REL: variants seen among roughly 807,000 people sequenced by gnomAD.
The protein encoded by REL is REL proto-oncogene, NF-kB subunit, also known as proto-oncogene c-Rel.
REL carries 15 observed loss-of-function variants against 45.9 expected under a neutral mutation model. The observed-to-expected ratio is 0.33, with a 90% CI of 0.22 to 0.50. The LOEUF (loss-of-function observed/expected upper bound fraction) is 0.50. REL is among the 20% of genes least tolerant of loss of function. REL has a pLI of 0.98. For missense variants in REL, 601 were observed against 715.2 expected (o/e 0.84, Z 1.82); for synonymous variants, 239 against 242.1 (o/e 0.99, Z 0.12).
Position 60,929,526 on chromosome 2 carries a change from A to G in REL, c.*6991A>G, listed in dbSNP as rs536922441. 2.6e-5 allele frequency: 4 copies of G among 151,884 alleles called. No individual in the cohort carries two copies. The highest frequency in any genetic ancestry group is 7.3e-5 in the African/African-American group (3 of 41,372). 9.4% of individuals were successfully genotyped at this position (151,884 alleles called of 1,614,324 possible). ...ATGAATTCATGTCCTTTGTAGGGACATGGATGAAATTGGAAAACATCATTC... is the reference window on the plus strand; with the variant it reads ...ATGAATTCATGTCCTTTGTAGGGACGTGGATGAAATTGGAAAACATCATTC... On this transcript the variant is annotated 3_prime_UTR_variant, in exon 10 of 10. Coordinates refer to ENST00000394479, the MANE Select transcript of REL (RefSeq NM_001291746.2).
At chr2:60,919,267 C>G (rs1482533058) in intron 7 of REL, among the ~76,000 whole-genome samples, 1 of 152,046 alleles carries the variant, frequency 6.6e-6, no homozygotes, top group African/African-American at 2.4e-5. Context: ...CAGGGTCTCA[C>G]TCTGTCACTC....
At chr2:60,897,420 G>A (rs2103939358) in intron 3 of REL, among the ~76,000 whole-genome samples, 1 of 151,116 alleles carries the variant, frequency 6.6e-6, no homozygotes, top group South Asian at 2.1e-4. Flanking sequence ...CAATTTTTGT[G>A]CCTTGGCCTC....
rs1299123332 is a variant in REL, at chr2:60,922,454, A to G, written c.1683A>G (p.Gln561=). Residue 561 remains glutamine (Q), a synonymous_variant, in exon 10 of 10, where the codon CAA becomes CAG. Transcript: ENST00000394479. ...STNPNSHGFV[Q]DSQYSGIGSM... ...ATCCAAACAGTCATGGTTTTGTTCAAGATAGTCAGTATTCAGGTATTGGCA... is the reference window on the plus strand; with the variant it reads ...ATCCAAACAGTCATGGTTTTGTTCAGGATAGTCAGTATTCAGGTATTGGCA... 6.8e-6 allele frequency: 11 copies of G among 1,614,048 alleles called. No individual in the cohort carries two copies. Among genetic ancestry groups the G allele is most frequent in the East Asian group, 4.5e-5 (2 of 44,886 alleles).
At chr2:60,896,986 A>T (rs981078623) in intron 3 of REL, among the ~76,000 whole-genome samples, 4 of 152,228 alleles carry the variant, frequency 2.6e-5, no homozygotes, top group African/African-American at 7.2e-5. Flanking sequence ...TATAGAAGTG[A>T]TGCAGTATAA....
At chr2:60,898,052 T>TA (rs1041728068) in intron 3 of REL, among the ~76,000 whole-genome samples, 17 of 152,296 alleles carry the variant, frequency 1.1e-4, no homozygotes, top group African/African-American at 4.1e-4. Context: ...TACTAACAGT[T>TA]ACCTTCTCAA....
At chr2:60,908,969 T>TA (rs1360749341) in intron 4 of REL, among the ~76,000 whole-genome samples, 4 of 152,194 alleles carry the variant, frequency 2.6e-5, no homozygotes, top group Admixed American at 1.3e-4. Context: ...ACTGAAAACT[T>TA]AAAGTTTGAA....
intron 4 of REL, among the ~76,000 whole-genome samples, chr2:60,902,877 C>G (rs1673535417): frequency 1.3e-5 from 2 of 152,202 alleles, no homozygotes; most frequent in Admixed American, 6.5e-5. Context: ...GCATGAGCCA[C>G]TGCACCCGGT....
rs367780559 is a variant in REL, at chr2:60,891,701, T to C, written c.29T>C (p.Ile10Thr). The C allele has an allele frequency of 7.4e-5, 120 of 1,613,688 alleles. No homozygotes were observed. The highest frequency in any genetic ancestry group is 9.6e-5 in the Non-Finnish European group (113 of 1,179,834). Residue 10 changes from isoleucine (I) to threonine (T), a missense_variant, in exon 2 of 10, where the codon ATA (isoleucine) becomes ACA (threonine). Transcript: ENST00000394479. The stretch of plus-strand genomic sequence containing the variant: ...TTTTCAGGTGCGTATAACCCGTATA[T>C]AGAGATAATTGAACAACCCAGGCAG... MASGAYNPY[I>T]EIIEQPRQRG...
chr2:60,900,304 A>G (rs1052580652), intron 3 of REL: 2 of 152,344 alleles, frequency 1.3e-5, no homozygotes, highest in African/African-American at 4.8e-5. Context: ...CAACCTGTGA[A>G]CATCTCTTTA....
intron 1 of REL, among the ~76,000 whole-genome samples, chr2:60,889,755 A>T (rs938844674): frequency 6.6e-6 from 1 of 152,052 alleles, no homozygotes; most frequent in Admixed American, 6.6e-5. Context: ...AGCTTCATCT[A>T]TGTCCCTACA....
chr2:60,920,628 G>T lies in REL; in HGVS notation c.977G>T (p.Arg326Ile). 6.3e-7 allele frequency: 1 copy of T among 1,596,362 alleles called. No individual in the cohort carries two copies. Among genetic ancestry groups the T allele is most frequent in the Non-Finnish European group, 8.6e-7 (1 of 1,166,510 alleles). The stretch of plus-strand genomic sequence containing the variant: ...CTCCTCGGTTCAATTGGAGAAGGAA[G>T]ATACTTCAAAAAAGGTATTTTATTT... ...PGLLGSIGEG[R>I]YFKKEPNLFS... Residue 326 changes from arginine to isoleucine, a missense_variant, in exon 9 of 10, where the codon AGA becomes ATA. By Grantham distance (97) the Arg-to-Ile change is moderately conservative (BLOSUM62 -3). Around this residue, in one of 4 missense-constraint regions of REL, gnomAD observed 334 missense variants for 333.1 expected, o/e 1.00. Coordinates refer to ENST00000394479, the MANE Select transcript of REL (RefSeq NM_001291746.2).
At chr2:60,907,034 C>T (rs1362221374) in intron 4 of REL, among the ~76,000 whole-genome samples, 3 of 151,332 alleles carry the variant, frequency 2.0e-5, no homozygotes, top group African/African-American at 7.3e-5. Context: ...ATTCTCCTGC[C>T]TCAGCCTTCT....
At chr2:60,892,551 A>G (rs971101245) in intron 2 of REL, among the ~76,000 whole-genome samples, 3 of 146,436 alleles carry the variant, frequency 2.0e-5, no homozygotes, top group African/African-American at 7.6e-5. Context: ...GCCTCAGCCT[A>G]CCGAGTAGCT....
rs1332781662 is a variant in REL, at chr2:60,918,699, A to G, written c.853+93A>G. The G allele has an allele frequency of 6.0e-6, 5 of 838,870 alleles. No individual in the cohort carries two copies. The Admixed American group carries it at 1.2e-4, about 20-fold the overall frequency. 52.0% of individuals were successfully genotyped at this position (838,870 alleles called of 1,614,324 possible). ...AATATTCATTTGAGTACAGTTATGT[A>G]TATTCATAATTTATGTTTCTTTTCC... On this transcript the variant is annotated intron_variant, in intron 7 of 9. Transcript: ENST00000394479.
intron 3 of REL, chr2:60,900,190 T>C (rs978654893): frequency 1.3e-5 from 2 of 152,230 alleles, no homozygotes; most frequent in African/African-American, 4.8e-5. Context: ...GAAATCCAGA[T>C]GTTCATATGC....
intron 3 of REL, chr2:60,899,439 G>C (rs1673439123): frequency 1.3e-5 from 2 of 152,192 alleles, no homozygotes; most frequent in Non-Finnish European, 2.9e-5. Flanking sequence ...AGCCGGTATG[G>C]TGCCACTGCA....
chr2:60,926,393 A>G lies in REL; in HGVS notation c.*3858A>G, dbSNP rs1449134360. The G allele has an allele frequency of 8.6e-6, 2 of 232,106 alleles. No individual in the cohort carries two copies. The highest frequency in any genetic ancestry group is 6.0e-5 in the East Asian group (1 of 16,634). 14.4% of individuals were successfully genotyped at this position (232,106 alleles called of 1,614,324 possible). A position where few individuals can be genotyped will look rare whatever the true frequency, so the allele number is the denominator to read the frequency against. On this transcript the variant is annotated 3_prime_UTR_variant, in exon 10 of 10. Coordinates refer to ENST00000394479, the MANE Select transcript of REL (RefSeq NM_001291746.2). ...CAATTTTCTTAGGATATTCTGGGAA[A>G]GATGAGCGGAGACTGCCCGCCTTGT... is the stretch of plus-strand genomic sequence containing the variant.
chr2:60,882,782 G>A (rs1005783295), intron 1 of REL, among the ~76,000 whole-genome samples: 1 of 152,180 alleles, frequency 6.6e-6, no homozygotes, highest in African/African-American at 2.4e-5. Flanking sequence ...GGAAATAAGG[G>A]GAAAGAGGAG....
rs755936187 is a variant in REL, at chr2:60,901,148, C to CCCTTTTTTTTTTTTTTTTTTTT, written c.394+65_394+66insCCTTTTTTTTTTTTTTTTTTTT. ...GTTGATTTCTGTTTCTTTTTTCTTT[C>CCCTTTTTTTTTTTTTTTTTTTT]TCTTTTTTTTTTTTTTTTTTTTTTT... On this transcript the variant is annotated intron_variant, in intron 4 of 9. Coordinates refer to ENST00000394479, the MANE Select transcript of REL (RefSeq NM_001291746.2). 8.4e-6 allele frequency: 7 copies of CCCTTTTTTTTTTTTTTTTTTTT among 832,874 alleles called. 3 individuals carry two copies. The highest frequency in any genetic ancestry group is 2.4e-5 in the African/African-American group (1 of 41,388). 51.6% of individuals were successfully genotyped at this position (832,874 alleles called of 1,614,324 possible).
Sources: gnomAD v4.1 joint callset for allele counts (sites outside exome capture counted in the v4.1 genomes callset) on GRCh38, gnomAD v4.1.1 for gene constraint, gnomAD v4.1.1 regional missense constraint, MANE v1.5 for transcripts, NCBI Gene and HGNC (gene_info 2026-07-23, HGNC 2026-07-21) for gene names.